The following LRP1B variants were observed in gnomAD, a reference collection of about 807,000 sequenced individuals.
The protein encoded by LRP1B is LDL receptor related protein 1B, also known as low-density lipoprotein receptor-related protein 1B.
In LRP1B, 217 loss-of-function variants were observed where a neutral mutation model predicts 556.6. The observed-to-expected ratio is 0.39, with a 90% CI of 0.35 to 0.44. The LOEUF (loss-of-function observed/expected upper bound fraction) is 0.44, where lower values mean the gene tolerates loss of function less well. Among genes scored for constraint, LRP1B ranks in the 20% least tolerant of loss-of-function variants. The pLI, the probability that LRP1B is intolerant of heterozygous loss-of-function variation, is 1.00. For missense variants in LRP1B, 5,053 were observed against 5,620.8 expected (o/e 0.90, Z 3.23); for synonymous variants, 2,047 against 1,865.8 (o/e 1.10, Z -2.50).
At chr2:141,108,111 C>G (rs901132872) in intron 7 of LRP1B, among the ~76,000 whole-genome samples, 29 of 152,014 alleles carry the variant, frequency 1.9e-4, no homozygotes, top group South Asian at 6.2e-4. Context: ...TAAGTCAACA[C>G]TAAAGGAGGA....
intron 1 of LRP1B, among the ~76,000 whole-genome samples, chr2:141,953,579 A>G (rs1181228336): frequency 6.6e-6 from 1 of 152,092 alleles, no homozygotes; most frequent in Non-Finnish European, 1.5e-5. Flanking sequence ...CACTCAGGAA[A>G]TGCATATTAA....
At chr2:140,416,183 T>C (rs1407116104) in intron 66 of LRP1B, among the ~76,000 whole-genome samples, 1 of 152,194 alleles carries the variant, frequency 6.6e-6, no homozygotes, top group African/African-American at 2.4e-5. Flanking sequence ...CATTAGATTC[T>C]CAATGTGAAC....
intron 7 of LRP1B, among the ~76,000 whole-genome samples, chr2:141,063,564 C>G (rs1010706743): frequency 6.6e-6 from 1 of 151,800 alleles, no homozygotes; most frequent in African/African-American, 2.4e-5. Flanking sequence ...AGGGCACACC[C>G]TGCATTCTCA....
chr2:142,097,889 T>C (rs1219443622), intron 1 of LRP1B, among the ~76,000 whole-genome samples: 1 of 151,648 alleles, frequency 6.6e-6, no homozygotes, highest in East Asian at 1.9e-4. Context: ...ATTGAGTTTT[T>C]ATAGGTCTTG....
intron 29 of LRP1B, among the ~76,000 whole-genome samples, chr2:140,844,706 T>C (rs1038893408): frequency 6.6e-6 from 1 of 152,190 alleles, no homozygotes; most frequent in African/African-American, 2.4e-5. Context: ...TTTCTTGAAC[T>C]AAGACTAATC....
chr2:140,469,157 A>G (rs1687666654), intron 60 of LRP1B, among the ~76,000 whole-genome samples: 1 of 152,136 alleles, frequency 6.6e-6, no homozygotes, highest in South Asian at 2.1e-4. Flanking sequence ...TCCTTCCAAA[A>G]TTCTTATATT....
At chr2:141,401,892 C>T (rs1198708991) in intron 3 of LRP1B, among the ~76,000 whole-genome samples, 1 of 152,132 alleles carries the variant, frequency 6.6e-6, no homozygotes, top group Non-Finnish European at 1.5e-5. Flanking sequence ...ATAGTGAGCT[C>T]TCAAATGACC....
chr2:141,337,235 G>A (rs567545886), intron 3 of LRP1B, among the ~76,000 whole-genome samples: 11 of 152,206 alleles, frequency 7.2e-5, no homozygotes, highest in Non-Finnish European at 1.2e-4. Flanking sequence ...ACCTTAGCAA[G>A]CCTAATTGAT....
intron 7 of LRP1B, among the ~76,000 whole-genome samples, chr2:141,119,698 G>A (rs1475695326): frequency 2.7e-5 from 4 of 149,414 alleles, no homozygotes; most frequent in African/African-American, 9.9e-5. Context: ...AACATCCTTC[G>A]ATGTTAAACC....
intron 2 of LRP1B, among the ~76,000 whole-genome samples, chr2:141,735,877 A>T (rs1693446169): frequency 6.6e-6 from 1 of 152,174 alleles, no homozygotes; most frequent in Admixed American, 6.5e-5. Flanking sequence ...GTTTGAAAAA[A>T]AGGTATGCTA....
chr2:142,013,472 T>C (rs142791491), intron 1 of LRP1B, among the ~76,000 whole-genome samples: 105 of 152,012 alleles, frequency 6.9e-4, no homozygotes, highest in Middle Eastern at 3.4e-3. Context: ...TAACTAAAGG[T>C]ATCAATCAAC....
At chr2:142,063,948 G>A (rs1705009382) in intron 1 of LRP1B, among the ~76,000 whole-genome samples, 1 of 151,502 alleles carries the variant, frequency 6.6e-6, no homozygotes, top group Admixed American at 6.6e-5. Context: ...CTTAGGGTAC[G>A]AATAAGATTC....
At chr2:141,963,659 A>G in intron 1 of LRP1B, among the ~76,000 whole-genome samples, 1 of 150,958 alleles carries the variant, frequency 6.6e-6, no homozygotes, top group East Asian at 2.0e-4. Flanking sequence ...CAAAAACTGG[A>G]AGCATTCCCT....
chr2:140,946,098 T>G (rs762040509), intron 20 of LRP1B, among the ~76,000 whole-genome samples: 4 of 151,964 alleles, frequency 2.6e-5, no homozygotes, highest in Non-Finnish European at 4.4e-5. Context: ...AGGAAACATA[T>G]GAAAAAATGC....
intron 2 of LRP1B, among the ~76,000 whole-genome samples, chr2:141,552,508 C>T (rs1345656171): frequency 1.3e-5 from 2 of 151,972 alleles, no homozygotes; most frequent in South Asian, 2.1e-4. Context: ...TAAAGGTTAT[C>T]TATTTGGACT....
intron 2 of LRP1B, among the ~76,000 whole-genome samples, chr2:141,575,165 C>T (rs938878140): frequency 1.3e-5 from 2 of 152,086 alleles, no homozygotes; most frequent in Admixed American, 1.3e-4. Context: ...CAATCCTAAG[C>T]AAAAAGAACA....
intron 15 of LRP1B, among the ~76,000 whole-genome samples, chr2:140,995,545 C>G (rs1183422607): frequency 6.6e-6 from 1 of 151,940 alleles, no homozygotes; most frequent in African/African-American, 2.4e-5. Context: ...TATTCATAGT[C>G]TTAATTGATC....
chr2:141,318,512 T>A (rs1687112204), intron 3 of LRP1B, among the ~76,000 whole-genome samples: 1 of 152,126 alleles, frequency 6.6e-6, no homozygotes, highest in Non-Finnish European at 1.5e-5. Context: ...CTTTATCTCC[T>A]TTTAAAATAT....
At chr2:141,577,130 G>T (rs7578643) in intron 2 of LRP1B, among the ~76,000 whole-genome samples, 43,004 of 152,060 alleles carry the variant, frequency 0.28, 6,695 homozygotes, top group East Asian at 0.6. Flanking sequence ...AAAGTTCAGT[G>T]ATTTTTAAAT....
Sources: gnomAD v4.1 joint callset for allele counts (sites outside exome capture counted in the v4.1 genomes callset) on GRCh38, gnomAD v4.1.1 for gene constraint, MANE v1.5 for transcripts, NCBI Gene and HGNC (gene_info 2026-07-23, HGNC 2026-07-21) for gene names.